Variants in STARD13 observed in about 807,000 individuals in gnomAD.
STARD13 encodes stAR-related lipid transfer protein 13.
In STARD13, 62 loss-of-function variants were observed where a neutral mutation model predicts 106.4. The ratio of observed to expected loss-of-function variants is 0.58; its 90% CI spans 0.48 to 0.72. STARD13 has a LOEUF of 0.72. STARD13 is among the 30% of genes least tolerant of loss of function. STARD13 has a pLI of 0.00. For synonymous variants in STARD13, 565 were observed against 553.0 expected, an observed-to-expected ratio of 1.02 and a Z score of -0.31; for missense variants, 1,387 against 1,424.0, an observed-to-expected ratio of 0.97 and a Z score of 0.42.
At chr13:33,222,454 A>G (rs912846934) in intron 1 of STARD13, among the ~76,000 whole-genome samples, 2 of 146,322 alleles carry the variant, frequency 1.4e-5, no homozygotes, top group Non-Finnish European at 3.1e-5. Flanking sequence ...GGCAAACTTT[A>G]TGTTATGTGT....
chr13:33,411,489 C>G, the STARD13 span, among the ~76,000 whole-genome samples: 1 of 151,950 alleles, frequency 6.6e-6, no homozygotes, highest in African/African-American at 2.4e-5. Context: ...TCCAGGCAGG[C>G]TGCTCTGTGG....
chr13:33,509,809 G>A, the STARD13 span, among the ~76,000 whole-genome samples: 3 of 152,276 alleles, frequency 2.0e-5, no homozygotes, highest in Non-Finnish European at 2.9e-5. Context: ...CTCGTAGGGC[G>A]AATTTTCAGT....
chr13:33,556,251 C>T, the STARD13 span, among the ~76,000 whole-genome samples: 4 of 151,860 alleles, frequency 2.6e-5, no homozygotes, highest in East Asian at 3.9e-4. Context: ...ATTTCCTTCC[C>T]GCCTCCCTTT....
intron 1 of STARD13, among the ~76,000 whole-genome samples, chr13:33,328,639 T>A (rs2077803147): frequency 6.6e-6 from 1 of 152,214 alleles, no homozygotes; most frequent in Admixed American, 6.5e-5. Flanking sequence ...GCAGCACAAC[T>A]ATCTCTCTAA....
the STARD13 span, among the ~76,000 whole-genome samples, chr13:33,673,832 A>G: frequency 6.6e-6 from 1 of 150,918 alleles, no homozygotes; most frequent in Non-Finnish European, 1.5e-5. Context: ...CCACTGAGCT[A>G]GGCCCAGAAT....
chr13:33,499,604 T>TTCTTCCTTCTTCTTCTTCTTCTTCTTC, the STARD13 span, among the ~76,000 whole-genome samples: 6 of 39,898 alleles, frequency 1.5e-4, no homozygotes, highest in African/African-American at 4.6e-4. Flanking sequence ...CTTCTTCTTC[T>TTCTTCCTTCTTCTTCTTCTTCTTCTTC]TTCTTCTTCT....
the STARD13 span, among the ~76,000 whole-genome samples, chr13:33,410,176 T>C: frequency 6.6e-6 from 1 of 152,226 alleles, no homozygotes; most frequent in Non-Finnish European, 1.5e-5. Flanking sequence ...CTCTCCTTTG[T>C]AGGAATATAC....
chr13:33,363,279 C>T, the STARD13 span, among the ~76,000 whole-genome samples: 2 of 152,204 alleles, frequency 1.3e-5, no homozygotes, highest in African/African-American at 4.8e-5. Flanking sequence ...TCTCAGTACA[C>T]ACACACATGT....
intron 1 of STARD13, among the ~76,000 whole-genome samples, chr13:33,194,336 G>T (rs1432393430): frequency 6.6e-6 from 1 of 151,920 alleles, no homozygotes; most frequent in Non-Finnish European, 1.5e-5. Context: ...AGGAGAGATG[G>T]TTAATATTCA....
upstream of STARD13, among the ~76,000 whole-genome samples, chr13:33,287,207 A>T (rs1481125150): frequency 7.9e-5 from 12 of 152,304 alleles, no homozygotes; most frequent in East Asian, 2.3e-3. Context: ...TAGGACTTTG[A>T]TTCTTCTTAC....
chr13:33,109,646 G>T (rs912395928), intron 12 of STARD13, among the ~76,000 whole-genome samples: 1 of 152,240 alleles, frequency 6.6e-6, no homozygotes, highest in Non-Finnish European at 1.5e-5. Context: ...GCTCCACAAG[G>T]AGAGGGGCAA....
chr13:33,421,422 A>G, the STARD13 span, among the ~76,000 whole-genome samples: 1 of 152,242 alleles, frequency 6.6e-6, no homozygotes, highest in African/African-American at 2.4e-5. Context: ...TGAGTAGACC[A>G]ATCATAGGCT....
intron 3 of STARD13, among the ~76,000 whole-genome samples, chr13:33,146,184 C>T (rs535056231): frequency 1.2e-4 from 19 of 152,166 alleles, no homozygotes; most frequent in South Asian, 6.2e-4. Flanking sequence ...ATTAGCCAGG[C>T]GTGGTGGCAC....
the STARD13 span, chr13:33,658,274 G>A: frequency 6.6e-6 from 1 of 152,424 alleles, no homozygotes; most frequent in Admixed American, 6.5e-5. Context: ...GCAGTCCGTT[G>A]TATGTACATA....
the STARD13 span, among the ~76,000 whole-genome samples, chr13:33,541,538 T>C: frequency 6.6e-6 from 1 of 152,164 alleles, no homozygotes; most frequent in Non-Finnish European, 1.5e-5. Context: ...ATCAAACGGT[T>C]TTAGCAAAAA....
the STARD13 span, among the ~76,000 whole-genome samples, chr13:33,502,699 A>T: frequency 6.6e-6 from 1 of 152,126 alleles, no homozygotes; most frequent in African/African-American, 2.4e-5. Flanking sequence ...ATTGATTTGC[A>T]TATGTTGAAC....
chr13:33,141,744 C>A (rs1449483641), intron 4 of STARD13, among the ~76,000 whole-genome samples: 1 of 151,878 alleles, frequency 6.6e-6, no homozygotes, highest in Non-Finnish European at 1.5e-5. Context: ...CGCCATGGAC[C>A]CCCAGATCCT....
chr13:33,351,705 C>T (rs1019896412), upstream of STARD13, among the ~76,000 whole-genome samples: 3 of 152,222 alleles, frequency 2.0e-5, no homozygotes, highest in African/African-American at 7.2e-5. Context: ...GCTTGAATCT[C>T]ATTTCTTTTT....
the STARD13 span, among the ~76,000 whole-genome samples, chr13:33,596,609 A>G: frequency 1.5e-3 from 222 of 152,272 alleles, no homozygotes; most frequent in African/African-American, 5.2e-3. Flanking sequence ...ATTGTTAACT[A>G]CAGTTACTAC....
Sources: gnomAD v4.1 joint callset for allele counts (sites outside exome capture counted in the v4.1 genomes callset) on GRCh38, gnomAD v4.1.1 for gene constraint, MANE v1.5 for transcripts, NCBI Gene and HGNC (gene_info 2026-07-23, HGNC 2026-07-21) for gene names.